Variants in SCRN1 observed in about 807,000 individuals in gnomAD.
SCRN1 encodes secernin-1.
A neutral mutation model predicts 43.3 loss-of-function variants in SCRN1; 19 were observed. The observed-to-expected ratio is 0.44, with a 90% confidence interval of 0.31 to 0.64. The LOEUF (loss-of-function observed/expected upper bound fraction) is 0.64, where lower values mean the gene tolerates loss of function less well. Ranked by LOEUF, SCRN1 falls within the 30% of genes least tolerant of loss-of-function variation. The pLI is 0.09. For synonymous variants in SCRN1, 183 were observed against 188.9 expected (o/e 0.97, Z 0.26); for missense variants, 447 against 524.1 (o/e 0.85, Z 1.44).
intron 6 of SCRN1, 122 bp from the exon 7 acceptor site, chr7:29,926,754 G>A: frequency 1.6e-6 from 1 of 609,940 alleles, no homozygotes; most frequent in South Asian, 2.0e-5. Flanking sequence ...GGGTGTGGGT[G>A]ACGGGTGGGT....
chr7:29,964,365 A>G (rs1368831868), intron 2 of SCRN1, among the ~76,000 whole-genome samples: 3 of 152,240 alleles, frequency 2.0e-5, no homozygotes, highest in African/African-American at 4.8e-5. Flanking sequence ...CTTGGAAAAG[A>G]CAGGAAGAAA....
At chr7:29,963,512 G>A (rs1470899921) in intron 2 of SCRN1, among the ~76,000 whole-genome samples, 1 of 152,154 alleles carries the variant, frequency 6.6e-6, no homozygotes, top group African/African-American at 2.4e-5. Flanking sequence ...AGTGTAGCTG[G>A]GGCCTAGGGT....
Position 29,923,755 on chromosome 7 carries a change from C to T in SCRN1, c.*202G>A, listed in dbSNP as rs750303399. 1.7e-6 allele frequency: 1 copy of T among 594,242 alleles called. No homozygotes were observed. Among genetic ancestry groups the T allele is most frequent in the East Asian group, 2.8e-5 (1 of 35,356 alleles). 36.8% of individuals were successfully genotyped at this position (594,242 alleles called of 1,614,324 possible). On this transcript the variant is annotated 3_prime_UTR_variant, in exon 8 of 8. Transcript: ENST00000242059. ...AACAGGCAACGGGATACATGTTACA[C>T]TGCACAGGAAGGAGACCTACATTGC...
chr7:29,955,666 G>A (rs548989740), intron 2 of SCRN1, among the ~76,000 whole-genome samples: 3 of 152,228 alleles, frequency 2.0e-5, no homozygotes, highest in African/African-American at 4.8e-5. Flanking sequence ...AGGCACAGGC[G>A]GCTGCCAGCA....
chr7:29,961,593 C>T (rs565335400), intron 2 of SCRN1, among the ~76,000 whole-genome samples: 40 of 151,834 alleles, frequency 2.6e-4, no homozygotes, highest in South Asian at 4.2e-4. Context: ...GGCACACCTC[C>T]CAGACGGGGT....
intron 6 of SCRN1, among the ~76,000 whole-genome samples, chr7:29,934,396 T>A (rs1787254829): frequency 6.6e-6 from 1 of 152,196 alleles, no homozygotes; most frequent in Non-Finnish European, 1.5e-5. Flanking sequence ...ATCTGAGACA[T>A]CAGGGACAAC....
Position 29,950,656 on chromosome 7 carries a change from CTCAG to C in SCRN1, c.341+4519_341+4522del, listed in dbSNP as rs1787890529. Among the ~76,000 whole-genome samples, 1 of 152,222 alleles carries C rather than the reference CTCAG, an allele frequency of 6.6e-6. No homozygotes were observed. Among genetic ancestry groups the C allele is most frequent in the Non-Finnish European group, 1.5e-5 (1 of 68,044 alleles). ...CTTCTGAGCCCATAAAAACCCCAGA[CTCAG>C]TCAGACTCACACAGACGTTAGGACT... On this transcript the variant is annotated intron_variant, in intron 3 of 7. Transcript: ENST00000242059. This position sits in a 1 kb window ranked among gnomAD's most constrained non-coding sequence, Gnocchi z 4.5.
Position 29,965,183 on chromosome 7 carries a change from A to C in SCRN1, c.159+3726T>G, listed in dbSNP as rs1409557933. On this transcript the variant is annotated intron_variant, in intron 2 of 7. Coordinates refer to ENST00000242059, the MANE Select transcript of SCRN1 (RefSeq NM_014766.5). This position sits in a 1 kb window ranked among gnomAD's most constrained non-coding sequence, Gnocchi z 4.2. ...AGAATAAAAGAAAGGAAAAGTGAGC[A>C]GGGTGCCAGTTGGGAAGAGTTCTGA... Among the ~76,000 whole-genome samples, 1 of 152,198 alleles carries C rather than the reference A, an allele frequency of 6.6e-6. No individual in the cohort carries two copies. Among genetic ancestry groups the C allele is most frequent in the African/African-American group, 2.4e-5 (1 of 41,436 alleles).
chr7:29,943,582 G>A (rs756861634), intron 4 of SCRN1, among the ~76,000 whole-genome samples: 4 of 152,104 alleles, frequency 2.6e-5, no homozygotes, highest in Non-Finnish European at 4.4e-5. Context: ...AACATGCCAA[G>A]CACAAAGATC....
chr7:29,948,814 C>G (rs1160503657), intron 3 of SCRN1, among the ~76,000 whole-genome samples: 1 of 152,222 alleles, frequency 6.6e-6, no homozygotes, highest in African/African-American at 2.4e-5. Flanking sequence ...AGTTCTGAAA[C>G]TGTTGGTAGC....
In SCRN1 at chr7:29,950,479, C is replaced by A. The variant is rs1475405174; in HGVS notation, c.341+4700G>T. ...AGACAGTTTCCTGGGCGGAAAGGAG[C>A]AGGTCCCCAGTGAAACCCCACCTTC... On this transcript the variant is annotated intron_variant, in intron 3 of 7. Transcript: ENST00000242059. The surrounding 1 kb of genome is among the most constrained non-coding windows in gnomAD (Gnocchi z 4.5). 1.3e-5 allele frequency among the ~76,000 whole-genome samples: 2 copies of A among 152,208 alleles called. No individual in the cohort carries two copies.
rs182400744 is a variant in SCRN1, at chr7:29,985,241, T to C, written c.-2+4401A>G. On this transcript the variant is annotated intron_variant, in intron 1 of 7. Transcript: ENST00000242059. ...CAACATGGTGAAACCCCGTCTCTAC[T>C]AAAAAATACAAAAATTAGCCAGGCA... Among the ~76,000 whole-genome samples, 114 of 142,474 alleles carry C rather than the reference T, an allele frequency of 8.0e-4. 11 individuals carry two copies. The highest frequency in any genetic ancestry group is 3.6e-3 in the Middle Eastern group (1 of 274). 93.5% of individuals were successfully genotyped at this position (142,474 alleles called of 152,430 possible).
At chr7:29,925,128 G>A (rs1786898311) in intron 7 of SCRN1, among the ~76,000 whole-genome samples, 1 of 152,052 alleles carries the variant, frequency 6.6e-6, no homozygotes, top group South Asian at 2.1e-4. Context: ...GACAGCCCTG[G>A]AGAAAACACA....
At position 29,948,425 on chromosome 7, in the gene SCRN1, G is replaced by A. The variant is rs186546901; in HGVS notation, c.342-4246C>T. Among the ~76,000 whole-genome samples the A allele has an allele frequency of 3.3e-5, 5 of 152,316 alleles. No homozygotes were observed. In the East Asian group the frequency reaches 7.7e-4, roughly 23 times the overall value. On this transcript the variant is annotated intron_variant, in intron 3 of 7. Coordinates refer to ENST00000242059, the MANE Select transcript of SCRN1 (RefSeq NM_014766.5). ...AACTCTGATTACACAGGTTCCTCCCGCCTACAAATGGTGACTGAACCTCCT... is the reference window on the plus strand; with the variant it reads ...AACTCTGATTACACAGGTTCCTCCCACCTACAAATGGTGACTGAACCTCCT...
At chr7:29,969,714 T>C in intron 1 of SCRN1, 2 of 426,172 alleles carry the variant, frequency 4.7e-6, no homozygotes, top group Non-Finnish European at 9.5e-6. Context: ...TAATGATCTT[T>C]TCTATCTGGG....
chr7:29,954,427 TCAC>T (rs1788061716), intron 3 of SCRN1, among the ~76,000 whole-genome samples: 1 of 152,128 alleles, frequency 6.6e-6, no homozygotes, highest in Admixed American at 6.5e-5. Context: ...TGTGCAGCCA[TCAC>T]CACAATCTAA....
chr7:29,929,678 T>C (rs1295702407), intron 6 of SCRN1, among the ~76,000 whole-genome samples: 2 of 152,236 alleles, frequency 1.3e-5, no homozygotes, highest in African/African-American at 4.8e-5. Context: ...TCTGACCCAC[T>C]GTGGGTCCAT....
intron 1 of SCRN1, among the ~76,000 whole-genome samples, chr7:29,972,585 C>T (rs1788698797): frequency 1.3e-5 from 2 of 152,076 alleles, no homozygotes; most frequent in Non-Finnish European, 2.9e-5. Flanking sequence ...ACTGGGAATG[C>T]CAGCAGGGAG....
At chr7:29,926,685 AC>A (rs985006390) in intron 6 of SCRN1, 53 bp from the exon 7 acceptor site, 28 of 1,478,494 alleles carry the variant, frequency 1.9e-5, no homozygotes, top group Non-Finnish European at 2.5e-5. Context: ...ACCCGGGAAC[AC>A]CCAGAGACTG....
Sources: allele counts gnomAD v4.1 joint callset (sites outside exome capture counted in the v4.1 genomes callset), GRCh38; gene constraint gnomAD v4.1.1; non-coding constraint Gnocchi (gnomAD v3.1); transcripts MANE v1.5; gene names NCBI Gene and HGNC (gene_info 2026-07-23, HGNC 2026-07-21).